Variants in TEX52 observed in about 807,000 individuals in gnomAD.
TEX52 encodes the protein testis-expressed protein 52.
A neutral mutation model predicts 17.6 loss-of-function variants in TEX52; 22 were observed. That is an observed-to-expected ratio of 1.25 (90% CI 0.89 to 1.78). The LOEUF (loss-of-function observed/expected upper bound fraction) is 1.78. TEX52 is among the 40% of genes most tolerant of loss of function. TEX52 has a pLI of 0.00. For missense variants in TEX52, 396 were observed against 372.3 expected (o/e 1.06, Z -0.52); for synonymous variants, 168 against 147.4 (o/e 1.14, Z -1.01).
At chr12:2,853,237 C>A (rs760649772) in intron 2 of TEX52, among the ~76,000 whole-genome samples, 1 of 151,960 alleles carries the variant, frequency 6.6e-6, no homozygotes, top group Non-Finnish European at 1.5e-5. Context: ...CCTGGGTCCC[C>A]ACAAAGGAGA....
chr12:2,855,117 G>T lies in TEX52; in HGVS notation c.402C>A (p.Pro134=), dbSNP rs540502018. The T allele has an allele frequency of 2.8e-4, 434 of 1,533,500 alleles. 2 individuals carry two copies. The South Asian group carries it at 3.4e-3, about 12-fold the overall frequency. The allele number at this position is 1,533,500 out of a possible 1,614,324, so 95.0% of individuals were successfully genotyped here. A position where few individuals can be genotyped will look rare whatever the true frequency, so the allele number is the denominator to read the frequency against. ...LTDSNAHRCP[P]TEHPIPPPSW... is the part of the protein sequence containing the mutation. ...AGGGAGGGGGGATGGGGTGCTCCGTGGGGGGGCATCTGTGGGCATTGGAGT... is the reference window on the plus strand; with the variant it reads ...AGGGAGGGGGGATGGGGTGCTCCGTTGGGGGGCATCTGTGGGCATTGGAGT... Residue 134 remains proline (P), a synonymous_variant, in exon 2 of 3, where the codon CCC becomes CCA. Transcript: ENST00000637658.
intron 2 of TEX52, among the ~76,000 whole-genome samples, chr12:2,851,857 G>A (rs1409154219): frequency 6.7e-6 from 1 of 149,782 alleles, no homozygotes; most frequent in Non-Finnish European, 1.5e-5. Context: ...TTTTGTATTT[G>A]TAGTAGAGAG....
chr12:2,850,886 G>A (rs992871369), intron 2 of TEX52, among the ~76,000 whole-genome samples: 1 of 151,566 alleles, frequency 6.6e-6, no homozygotes, highest in Non-Finnish European at 1.5e-5. Context: ...TGGCCAGGCT[G>A]GTCTCGAACT....
rs1269009428 is a variant in TEX52, at chr12:2,855,118, G to A, written c.401C>T (p.Pro134Leu). ...LTDSNAHRCP[P>L]TEHPIPPPSW... Reference sequence around the variant, plus strand: ...GGGAGGGGGGATGGGGTGCTCCGTGGGGGGGCATCTGTGGGCATTGGAGTC... The same window carrying A: ...GGGAGGGGGGATGGGGTGCTCCGTGAGGGGGCATCTGTGGGCATTGGAGTC... Residue 134 changes from proline (P) to leucine (L), a missense_variant, in exon 2 of 3, where the codon CCC becomes CTC. Coordinates refer to ENST00000637658, the MANE Select transcript of TEX52 (RefSeq NM_001365174.2). 1 of 1,534,256 alleles carries A rather than the reference G, an allele frequency of 6.5e-7. No individual in the cohort carries two copies. The highest frequency in any genetic ancestry group is 2.0e-5 in the Admixed American group (1 of 50,956).
intron 1 of TEX52, among the ~76,000 whole-genome samples, chr12:2,856,329 CT>C (rs1394917472): frequency 1.3e-5 from 2 of 152,102 alleles, no homozygotes; most frequent in Admixed American, 1.3e-4. Flanking sequence ...AAAAATGTGC[CT>C]CTTTTAAAAT....
intron 1 of TEX52, among the ~76,000 whole-genome samples, chr12:2,856,135 A>G (rs1244030512): frequency 1.3e-5 from 2 of 152,186 alleles, no homozygotes; most frequent in Non-Finnish European, 2.9e-5. Flanking sequence ...CTCTATGAGC[A>G]AGTATTGCTA....
Position 2,853,470 on chromosome 12 carries a change from A to G in TEX52, c.623+1426T>C, listed in dbSNP as rs551539333. On this transcript the variant is annotated intron_variant, in intron 2 of 2. Transcript: ENST00000637658. ...GTATTTTTAGTAGAGACGGGGTTTC[A>G]CCATGTTGGCCAGGCTGGTCTCGAA... Among the ~76,000 whole-genome samples, 16 of 151,968 alleles carry G rather than the reference A, an allele frequency of 1.1e-4. No homozygotes were observed. The South Asian group carries it at 3.3e-3, about 32-fold the overall frequency.
chr12:2,854,937 G>C lies in TEX52; in HGVS notation c.582C>G (p.Leu194=). Residue 194 remains leucine, a synonymous_variant, in exon 2 of 3, where the codon CTC becomes CTG. Coordinates refer to ENST00000637658, the MANE Select transcript of TEX52 (RefSeq NM_001365174.2). ...GCGGCTGGATGTTGCCCTGGGCATC[G>C]AGTGGGGGTGCTCTTGCCTCACTCC... ...KLRSEARAPP[L]DAQGNIQPPA... is the part of the protein sequence containing the mutation. The C allele has an allele frequency of 6.5e-6, 10 of 1,535,966 alleles. No individual in the cohort carries two copies. Among genetic ancestry groups the C allele is most frequent in the Admixed American group, 2.0e-5 (1 of 50,960 alleles).
downstream of TEX52, among the ~76,000 whole-genome samples, chr12:2,847,831 C>CGA (rs2098057740): frequency 1.3e-5 from 2 of 152,198 alleles, no homozygotes; most frequent in South Asian, 4.1e-4. Context: ...TGTCTGGCTT[C>CGA]TTTCACTCAG....
In TEX52 at chr12:2,854,945, G is replaced by A. The variant is rs574262393; in HGVS notation, c.574C>T (p.Pro192Ser). Reference protein sequence around the residue: ...KLKLRSEARAPPLDAQGNIQP... With the variant: ...KLKLRSEARASPLDAQGNIQP... ...ATGTTGCCCTGGGCATCGAGTGGGG[G>A]TGCTCTTGCCTCACTCCTCAACTTG... Residue 192 changes from proline to serine, a missense_variant, in exon 2 of 3, where the codon CCC (proline) becomes TCC (serine). Physicochemically the swap from Pro to Ser is moderately conservative, Grantham distance 74. Coordinates refer to ENST00000637658, the MANE Select transcript of TEX52 (RefSeq NM_001365174.2). 1.5e-5 allele frequency: 23 copies of A among 1,536,148 alleles called. No homozygotes were observed. The highest frequency in any genetic ancestry group is 9.8e-5 in the East Asian group (4 of 40,882).
At chr12:2,851,605 A>G (rs891627337) in intron 2 of TEX52, among the ~76,000 whole-genome samples, 4 of 151,966 alleles carry the variant, frequency 2.6e-5, no homozygotes, top group African/African-American at 9.7e-5. Context: ...GGCCTCCCAG[A>G]GTGTTGGGAT....
At chr12:2,847,989 A>G (rs138174586), downstream of TEX52, among the ~76,000 whole-genome samples, 3 of 152,348 alleles carry the variant, frequency 2.0e-5, no homozygotes, top group African/African-American at 4.8e-5. Context: ...AGTGTGCTAC[A>G]CACTTTGCAG....
rs1025624627 is a variant in TEX52 at position 2,849,255 on chromosome 12, C to T, written c.894G>A (p.Arg298=). 4 of 1,536,064 alleles carry T rather than the reference C, an allele frequency of 2.6e-6. No individual in the cohort carries two copies. The highest frequency in any genetic ancestry group is 2.7e-5 in the African/African-American group (2 of 73,136). Residue 298 remains arginine (R), a synonymous_variant, in exon 3 of 3, where the codon AGG becomes AGA. Coordinates refer to ENST00000637658, the MANE Select transcript of TEX52 (RefSeq NM_001365174.2). ...AQASKSPARK[R]KRRPGHF ...TCTAGAAGTGTCCAGGTCTTCTCTT[C>T]CTCTTCCTTGCTGGGGATTTGCTTG... is the stretch of plus-strand genomic sequence containing the variant.
rs1414914916 is a variant in TEX52, at chr12:2,849,281, C to T, written c.868G>A (p.Ala290Thr). Residue 290 changes from alanine (A) to threonine (T), a missense_variant, in exon 3 of 3, where the codon GCA becomes ACA. By Grantham distance (58) the Ala-to-Thr change is moderately conservative. Coordinates refer to ENST00000637658, the MANE Select transcript of TEX52 (RefSeq NM_001365174.2). ...CTCTTCCTTGCTGGGGATTTGCTTG[C>T]TTGTGCCTTGGAGAGATGGTGGAGG... The part of the protein sequence containing the change: ...LPLHHLSKAQ[A>T]SKSPARKRKR... 1 of 1,536,112 alleles carries T rather than the reference C, an allele frequency of 6.5e-7. No individual in the cohort carries two copies.
At position 2,849,516 on chromosome 12, in the gene TEX52, G is replaced by A. The variant is rs1394940012; in HGVS notation, c.633C>T (p.His211=). ...GTTCAAACCTCCCACCAGCGGATATGTGCCGGTACCTGTTGGGAGAAGGGT... is the reference window on the plus strand; with the variant it reads ...GTTCAAACCTCCCACCAGCGGATATATGCCGGTACCTGTTGGGAGAAGGGT... ...QPPASFKKYR[H]ISAGGRFEPQ... is the part of the protein sequence containing the mutation. Residue 211 remains histidine (H), a synonymous_variant, in exon 3 of 3, where the codon CAC becomes CAT. Coordinates refer to ENST00000637658, the MANE Select transcript of TEX52 (RefSeq NM_001365174.2). 1 of 1,536,132 alleles carries A rather than the reference G, an allele frequency of 6.5e-7. No individual in the cohort carries two copies. The highest frequency in any genetic ancestry group is 8.7e-7 in the Non-Finnish European group (1 of 1,146,894).
chr12:2,853,574 G>T (rs1390484524), intron 2 of TEX52, among the ~76,000 whole-genome samples: 1 of 150,354 alleles, frequency 6.7e-6, no homozygotes, highest in Non-Finnish European at 1.5e-5. Flanking sequence ...GGCCCGGCCT[G>T]TTTTTTTTGT....
At chr12:2,851,823 C>T (rs183888718) in intron 2 of TEX52, among the ~76,000 whole-genome samples, 1 of 152,198 alleles carries the variant, frequency 6.6e-6, no homozygotes, top group Non-Finnish European at 1.5e-5. Context: ...GGATTACAGG[C>T]ATGTGCCACC....
At chr12:2,853,739 C>T (rs887400023) in intron 2 of TEX52, among the ~76,000 whole-genome samples, 3 of 152,066 alleles carry the variant, frequency 2.0e-5, no homozygotes, top group Admixed American at 6.5e-5. Flanking sequence ...CTCTTGCATG[C>T]GTAGTGCCTG....
At position 2,849,330 on chromosome 12, in the gene TEX52, C is replaced by G. The variant is rs964240872; in HGVS notation, c.819G>C (p.Leu273=). 1.2e-5 allele frequency: 19 copies of G among 1,536,012 alleles called. No individual in the cohort carries two copies. The highest frequency in any genetic ancestry group is 1.6e-5 in the Non-Finnish European group (18 of 1,146,926). ...GGGGTAAGGCAGTTCTGTCCTTTAT[C>G]AGGGTTTGGAAATCCCTTATGAGGT... The part of the protein sequence containing the change: ...SQDLIRDFQT[L]IKDRTALPLH... Residue 273 remains leucine, a synonymous_variant, in exon 3 of 3, where the codon CTG becomes CTC. Coordinates refer to ENST00000637658, the MANE Select transcript of TEX52 (RefSeq NM_001365174.2).
Sources: allele counts gnomAD v4.1 joint callset (sites outside exome capture counted in the v4.1 genomes callset), GRCh38; gene constraint gnomAD v4.1.1; transcripts MANE v1.5; gene names NCBI Gene and HGNC (gene_info 2026-07-23, HGNC 2026-07-21).